PHACTR3: variants seen among roughly 807,000 people sequenced by gnomAD.
The protein encoded by PHACTR3 is protein phosphatase 1, regulatory subunit 123.
A neutral mutation model predicts 66.8 loss-of-function variants in PHACTR3; 16 were observed. The observed-to-expected ratio is 0.24, with a 90% CI of 0.16 to 0.36. The LOEUF (loss-of-function observed/expected upper bound fraction) is 0.36. PHACTR3 is among the 10% of genes least tolerant of loss of function. PHACTR3 has a pLI of 1.00. For synonymous variants in PHACTR3, 323 were observed against 292.1 expected (o/e 1.11, Z -1.08); for missense variants, 647 against 719.9 (o/e 0.90, Z 1.16).
chr20:59,605,195 C>CA (rs1397486666), intron 1 of PHACTR3, 63 bp downstream of exon 1: 2 of 1,157,448 alleles, frequency 1.7e-6, no homozygotes, highest in African/African-American at 3.2e-5. Flanking sequence ...GCGCTGAGAG[C>CA]AGGACCCCGC....
Position 59,771,238 on chromosome 20 carries a change from G to A in PHACTR3, c.752-2041G>A, listed in dbSNP as rs186380842. ...GTGATTCCTTCCTCATGGGGCTGGGGTGAGAAGTAGAGGCAATGATGGTTA... is the reference window on the plus strand; with the variant it reads ...GTGATTCCTTCCTCATGGGGCTGGGATGAGAAGTAGAGGCAATGATGGTTA... On this transcript the variant is annotated intron_variant, in intron 5 of 12. Coordinates refer to ENST00000371015, the MANE Select transcript of PHACTR3 (RefSeq NM_080672.5). Among the ~76,000 whole-genome samples, 11 of 152,292 alleles carry A rather than the reference G, an allele frequency of 7.2e-5. No individual in the cohort carries two copies. In the East Asian group the frequency reaches 2.1e-3, roughly 29 times the overall value.
rs373514440 is a variant in PHACTR3, at chr20:59,722,111, G to A, written c.119-20996G>A. Among the ~76,000 whole-genome samples, 760 of 152,138 alleles carry A rather than the reference G, an allele frequency of 5.0e-3. 10 individuals carry two copies. The highest frequency in any genetic ancestry group is 0.018 in the African/African-American group (734 of 41,522). On this transcript the variant is annotated intron_variant, in intron 1 of 12. Transcript: ENST00000371015. ...GCCGGGTGTGGTGGCGGGCACCTGT[G>A]GTCCCAGCTACTCGGGAGGCTGAGG...
At chr20:59,764,351 C>A (rs1389522363) in intron 4 of PHACTR3, among the ~76,000 whole-genome samples, 1 of 152,040 alleles carries the variant, frequency 6.6e-6, no homozygotes, top group Non-Finnish European at 1.5e-5. Flanking sequence ...TTTGGTGGCA[C>A]CTCTGAGCAG....
chr20:59,772,370 G>C (rs914738410), intron 5 of PHACTR3, among the ~76,000 whole-genome samples: 1 of 152,168 alleles, frequency 6.6e-6, no homozygotes. Flanking sequence ...GGAAACTGTA[G>C]GAAGGAAGGT....
chr20:59,842,459 A>C (rs536580235), intron 11 of PHACTR3, among the ~76,000 whole-genome samples: 8 of 152,302 alleles, frequency 5.3e-5, no homozygotes, highest in African/African-American at 1.9e-4. Flanking sequence ...GATCACAGTG[A>C]TGCGAGGAGA....
At chr20:59,762,977 C>A (rs536867465) in intron 4 of PHACTR3, among the ~76,000 whole-genome samples, 2 of 152,138 alleles carry the variant, frequency 1.3e-5, no homozygotes, top group Non-Finnish European at 2.9e-5. Flanking sequence ...GCTGGTGGGT[C>A]ATGGAACACT....
intron 7 of PHACTR3, among the ~76,000 whole-genome samples, chr20:59,789,531 G>C (rs1421076945): frequency 1.3e-5 from 2 of 152,178 alleles, no homozygotes; most frequent in Admixed American, 1.3e-4. Context: ...ATACCTTAAG[G>C]CTTTGTTCAA....
intron 7 of PHACTR3, among the ~76,000 whole-genome samples, chr20:59,775,376 C>T (rs1378766623): frequency 6.6e-6 from 1 of 152,050 alleles, no homozygotes; most frequent in African/African-American, 2.4e-5. Context: ...AAGCTCAGGC[C>T]ACGTCTCCCT....
Position 59,583,738 on chromosome 20 carries a change from A to T in PHACTR3, c.109+6121A>T, listed in dbSNP as rs113774395. Among the ~76,000 whole-genome samples the T allele has an allele frequency of 7.6e-3, 1,159 of 152,238 alleles. 13 individuals carry two copies. The highest frequency in any genetic ancestry group is 0.013 in the Non-Finnish European group (878 of 67,996). ...CTAGCCTGGGCCGGGGCTGGCTGGG[A>T]TGAGGGGATGGGAGGACCGGGGGTC... On this transcript the variant is annotated intron_variant, in intron 1 of 12. Transcript: ENST00000359926.
chr20:59,722,005 C>G (rs939129515), intron 1 of PHACTR3, among the ~76,000 whole-genome samples: 1 of 152,086 alleles, frequency 6.6e-6, no homozygotes, highest in African/African-American at 2.4e-5. Context: ...CCGATGCAGG[C>G]AGATCACAAG....
At chr20:59,687,034 GTGA>G (rs150869044) in intron 1 of PHACTR3, among the ~76,000 whole-genome samples, 4,177 of 149,450 alleles carry the variant, frequency 0.028, 96 homozygotes, top group Middle Eastern at 0.056. Flanking sequence ...GATGATGGTG[GTGA>G]TGATGATGGT....
At chr20:59,808,018 TGGGGCA>T (rs1157170818) in intron 8 of PHACTR3, among the ~76,000 whole-genome samples, 1 of 152,108 alleles carries the variant, frequency 6.6e-6, no homozygotes, top group Non-Finnish European at 1.5e-5. Context: ...GACTGTCTCA[TGGGGCA>T]GGACAGAGTG....
chr20:59,761,615 T>C (rs1011804723), intron 4 of PHACTR3, among the ~76,000 whole-genome samples: 1 of 152,168 alleles, frequency 6.6e-6, no homozygotes, highest in Non-Finnish European at 1.5e-5. Flanking sequence ...TATTCTTGAT[T>C]TTGCCTCTTA....
At position 59,673,967 on chromosome 20, in the gene PHACTR3, C is replaced by T. The variant is rs574563247; in HGVS notation, c.118+68835C>T. Among the ~76,000 whole-genome samples, 11 of 152,294 alleles carry T rather than the reference C, an allele frequency of 7.2e-5. No individual in the cohort carries two copies. In the South Asian group the frequency reaches 2.1e-3, roughly 29 times the overall value. ...AGTGCAGGCCCTGGCAGAGCAGCCCCGAAGCTTGGGAAGGCCAGGAAATCC... is the reference window on the plus strand; with the variant it reads ...AGTGCAGGCCCTGGCAGAGCAGCCCTGAAGCTTGGGAAGGCCAGGAAATCC... On this transcript the variant is annotated intron_variant, in intron 1 of 12. Transcript: ENST00000371015.
At chr20:59,645,416 T>C (rs2035249767) in intron 1 of PHACTR3, among the ~76,000 whole-genome samples, 1 of 151,906 alleles carries the variant, frequency 6.6e-6, no homozygotes. Context: ...GCCCTGGCTC[T>C]TTCTCCTGCC....
chr20:59,611,954 G>A (rs1157725442), intron 1 of PHACTR3, among the ~76,000 whole-genome samples: 1 of 152,184 alleles, frequency 6.6e-6, no homozygotes, highest in African/African-American at 2.4e-5. Flanking sequence ...GCTTTTTAGG[G>A]GAGGGTGGCT....
At chr20:59,662,572 T>C (rs888249083) in intron 1 of PHACTR3, among the ~76,000 whole-genome samples, 6 of 152,148 alleles carry the variant, frequency 3.9e-5, no homozygotes, top group African/African-American at 1.4e-4. Flanking sequence ...CTGGTGGCTT[T>C]GTAGCTTTGT....
intron 1 of PHACTR3, among the ~76,000 whole-genome samples, chr20:59,578,065 T>A (rs1201695474): frequency 6.6e-6 from 1 of 152,226 alleles, no homozygotes; most frequent in African/African-American, 2.4e-5. Context: ...TTGATCGCCC[T>A]TCTTCCCCAG....
At chr20:59,652,832 T>C (rs1157500737) in intron 1 of PHACTR3, among the ~76,000 whole-genome samples, 1 of 151,928 alleles carries the variant, frequency 6.6e-6, no homozygotes, top group East Asian at 1.9e-4. Context: ...TCACAATCAT[T>C]GAGTGAAAAA....
Sources: allele counts gnomAD v4.1 joint callset (sites outside exome capture counted in the v4.1 genomes callset), GRCh38; gene constraint gnomAD v4.1.1; transcripts MANE v1.5; gene names NCBI Gene and HGNC (gene_info 2026-07-23, HGNC 2026-07-21).